The following MARCHF8 variants were observed in gnomAD, a reference collection of about 807,000 sequenced individuals.
MARCHF8 encodes the protein membrane associated ring-CH-type finger 8, also known as E3 ubiquitin-protein ligase MARCHF8.
In MARCHF8, 40 loss-of-function variants were observed where a neutral mutation model predicts 51.6. That is an observed-to-expected ratio of 0.77 (90% CI 0.60 to 1.01). The LOEUF is 1.01. MARCHF8 is among the 50% of genes least tolerant of loss of function. The pLI, the probability that MARCHF8 is intolerant of heterozygous loss-of-function variation, is 0.00. For missense variants in MARCHF8, 685 were observed against 708.6 expected (o/e 0.97, Z 0.38); for synonymous variants, 263 against 280.3 (o/e 0.94, Z 0.62).
intron 1 of MARCHF8, among the ~76,000 whole-genome samples, chr10:45,591,839 C>T (rs1435960147): frequency 6.6e-6 from 1 of 152,190 alleles, no homozygotes; most frequent in Non-Finnish European, 1.5e-5. Flanking sequence ...TTATCCACTT[C>T]TTTCCACCGT....
intron 2 of MARCHF8, among the ~76,000 whole-genome samples, chr10:45,507,823 A>AG (rs922612776): frequency 6.6e-6 from 1 of 152,056 alleles, no homozygotes; most frequent in African/African-American, 2.4e-5. Flanking sequence ...AAAAAAAAAA[A>AG]AAAGATTTTA....
intron 1 of MARCHF8, among the ~76,000 whole-genome samples, chr10:45,545,450 A>G (rs2044108088): frequency 6.6e-6 from 1 of 152,234 alleles, no homozygotes; most frequent in Admixed American, 6.5e-5. Flanking sequence ...ATGTTTGTCA[A>G]CCTGGTACAA....
intron 3 of MARCHF8, among the ~76,000 whole-genome samples, chr10:45,466,251 T>C (rs1842965710): frequency 6.6e-6 from 1 of 152,246 alleles, no homozygotes; most frequent in Non-Finnish European, 1.5e-5. Context: ...CCCTGTTCTC[T>C]GACATTTAGT....
intron 2 of MARCHF8, among the ~76,000 whole-genome samples, chr10:45,524,195 T>A (rs1447107313): frequency 1.3e-5 from 2 of 152,174 alleles, no homozygotes; most frequent in Non-Finnish European, 2.9e-5. Flanking sequence ...TAGAAAAACA[T>A]CAAAACTTCT....
In MARCHF8 at chr10:45,490,901, CTAAA is replaced by C. The variant is rs1244042424; in HGVS notation, c.103-1488_103-1485del. On this transcript the variant is annotated intron_variant, in intron 2 of 7. Coordinates refer to ENST00000453424, the MANE Select transcript of MARCHF8 (RefSeq NM_001282866.2). ...TACAGGGATGTGCCAACATGTCTGA[CTAAA>C]TACTTTTTGTGGAGACAGGGATCAC... Among the ~76,000 whole-genome samples the C allele has an allele frequency of 3.3e-5, 5 of 152,118 alleles. No individual in the cohort carries two copies. The East Asian group carries it at 9.6e-4, about 29-fold the overall frequency.
chr10:45,537,751 A>G (rs1435715328), upstream of MARCHF8, among the ~76,000 whole-genome samples: 1 of 152,138 alleles, frequency 6.6e-6, no homozygotes, highest in Admixed American at 6.5e-5. Flanking sequence ...CCCAGAGGAG[A>G]TAAATCTATA....
Position 45,463,744 on chromosome 10 carries a change from C to T in MARCHF8, c.495G>A (p.Ala165=), listed in dbSNP as rs767123927. 1.7e-5 allele frequency: 27 copies of T among 1,551,182 alleles called. No homozygotes were observed. The highest frequency in any genetic ancestry group is 1.2e-4 in the Admixed American group (6 of 51,006). The change falls in exon 5 of 8, where the codon GCG becomes GCA. Residue 165 remains alanine, a synonymous_variant. Transcript: ENST00000453424. Reference sequence around the variant, plus strand: ...AGGCAAAACTTTCTGAAGTATCCTGCGCCTTCTCACCCACATCATTGAGGG... The same window carrying T: ...AGGCAAAACTTTCTGAAGTATCCTGTGCCTTCTCACCCACATCATTGAGGG... The part of the protein sequence containing the change: ...SRSLNDVGEK[A]QDTSESFAYV...
chr10:45,511,401 CCCCACGG>C (rs2043499466), intron 2 of MARCHF8, among the ~76,000 whole-genome samples: 1 of 151,620 alleles, frequency 6.6e-6, no homozygotes, highest in African/African-American at 2.4e-5. Flanking sequence ...CTCTCCCTCT[CCCCACGG>C]CCCACGGTCT....
At chr10:45,481,288 G>A (rs779608593) in intron 3 of MARCHF8, among the ~76,000 whole-genome samples, 16 of 152,328 alleles carry the variant, frequency 1.1e-4, no homozygotes, top group South Asian at 6.2e-4. Flanking sequence ...TGTCTGAGAT[G>A]AGACTTTGGA....
At chr10:45,533,801 A>G (rs1269494906) in intron 1 of MARCHF8, among the ~76,000 whole-genome samples, 2 of 152,204 alleles carry the variant, frequency 1.3e-5, no homozygotes, top group African/African-American at 2.4e-5. Flanking sequence ...CTATTCCTAT[A>G]AAGGGCAAGA....
At chr10:45,485,539 C>A (rs1423674032) in intron 3 of MARCHF8, among the ~76,000 whole-genome samples, 4 of 152,150 alleles carry the variant, frequency 2.6e-5, no homozygotes, top group Non-Finnish European at 4.4e-5. Context: ...CCACCACAGA[C>A]CTAGCAGCCT....
intron 5 of MARCHF8, among the ~76,000 whole-genome samples, chr10:45,462,823 G>A (rs545533643): frequency 8.6e-4 from 130 of 151,788 alleles, no homozygotes; most frequent in Non-Finnish European, 1.5e-3. Context: ...ACGGGGTTTC[G>A]CCACGTTGGC....
intron 3 of MARCHF8, among the ~76,000 whole-genome samples, chr10:45,466,425 C>T (rs1589078613): frequency 1.3e-5 from 2 of 152,180 alleles, no homozygotes; most frequent in South Asian, 2.1e-4. Flanking sequence ...GTCTTCATCA[C>T]CTGTCCCCAG....
chr10:45,539,807 C>A (rs922318522), upstream of MARCHF8, among the ~76,000 whole-genome samples: 1 of 152,142 alleles, frequency 6.6e-6, no homozygotes, highest in Admixed American at 6.5e-5. Flanking sequence ...AAAACCCCAT[C>A]GTCTCAGCCC....
chr10:45,590,953 A>G (rs1206979508), intron 1 of MARCHF8, among the ~76,000 whole-genome samples: 3 of 152,194 alleles, frequency 2.0e-5, no homozygotes, highest in Non-Finnish European at 4.4e-5. Context: ...ACGTTCCACC[A>G]TTGTGATTGG....
intron 1 of MARCHF8, among the ~76,000 whole-genome samples, chr10:45,563,051 G>C (rs2044328224): frequency 1.3e-5 from 2 of 151,094 alleles, no homozygotes; most frequent in African/African-American, 4.9e-5. Flanking sequence ...TTCCAAGACA[G>C]AGTCTCACTC....
intron 1 of MARCHF8, among the ~76,000 whole-genome samples, chr10:45,576,974 GAAAAAA>G (rs58593536): frequency 8.3e-6 from 1 of 120,410 alleles, no homozygotes; most frequent in South Asian, 2.6e-4. Flanking sequence ...AAAGAGAAAA[GAAAAAA>G]AAAAAAAAAA....
rs776431896 is a variant in MARCHF8, at chr10:45,533,234, T to G, written c.-23A>C. 45 of 1,593,006 alleles carry G rather than the reference T, an allele frequency of 2.8e-5. 2 individuals are homozygous for G. The South Asian group carries it at 3.1e-4, about 11-fold the overall frequency. ...CATCCCAACCTCTTATCTGGTCGTCTTCTTCACAGAAGAGAGTCTCCACTG... is the reference window on the plus strand; with the variant it reads ...CATCCCAACCTCTTATCTGGTCGTCGTCTTCACAGAAGAGAGTCTCCACTG... On this transcript the variant is annotated 5_prime_UTR_variant, in exon 2 of 8. Transcript: ENST00000453424.
chr10:45,567,120 T>C (rs1200126805), intron 1 of MARCHF8, among the ~76,000 whole-genome samples: 1 of 152,226 alleles, frequency 6.6e-6, no homozygotes, highest in African/African-American at 2.4e-5. Flanking sequence ...TTTAATTGGA[T>C]TATTACATTA....
Sources: gnomAD v4.1 joint callset for allele counts (sites outside exome capture counted in the v4.1 genomes callset) on GRCh38, gnomAD v4.1.1 for gene constraint, MANE v1.5 for transcripts, NCBI Gene and HGNC (gene_info 2026-07-23, HGNC 2026-07-21) for gene names.